The following ANKS1A variants were observed in gnomAD, a reference collection of about 807,000 sequenced individuals.
ANKS1A encodes the protein ankyrin repeat and SAM domain-containing protein 1A.
Under a neutral mutation model 120.3 loss-of-function variants are expected in ANKS1A, and 55 were observed. The observed-to-expected ratio is 0.46, with a 90% confidence interval of 0.37 to 0.57. The LOEUF (loss-of-function observed/expected upper bound fraction) is 0.57. Among genes scored for constraint, ANKS1A ranks in the 20% least tolerant of loss-of-function variants. ANKS1A has a pLI of 0.00. For missense variants in ANKS1A, 1,123 were observed against 1,480.3 expected (o/e 0.76, Z 3.96); for synonymous variants, 590 against 604.7 (o/e 0.98, Z 0.36).
chr6:35,008,240 G>T (rs1369025278), intron 10 of ANKS1A, among the ~76,000 whole-genome samples: 2 of 151,946 alleles, frequency 1.3e-5, no homozygotes, highest in Admixed American at 1.3e-4. Flanking sequence ...AAATAGACGG[G>T]GTCTCGCTCC....
At chr6:34,988,310 A>T (rs369204055) in intron 8 of ANKS1A, among the ~76,000 whole-genome samples, 2 of 152,342 alleles carry the variant, frequency 1.3e-5, no homozygotes, top group East Asian at 1.9e-4. Context: ...AAATGGGTTT[A>T]GATGGGCTGG....
At chr6:35,029,465 C>T (rs559255387) in intron 11 of ANKS1A, among the ~76,000 whole-genome samples, 59 of 151,068 alleles carry the variant, frequency 3.9e-4, no homozygotes, top group African/African-American at 1.4e-3. Flanking sequence ...TCTCCTGCCT[C>T]AGCCTCCTGA....
At chr6:35,066,712 G>T (rs764303548) in intron 13 of ANKS1A, among the ~76,000 whole-genome samples, 2 of 152,184 alleles carry the variant, frequency 1.3e-5, no homozygotes, top group Non-Finnish European at 2.9e-5. Context: ...ACTCTTCCTG[G>T]TGGCTGTCAC....
chr6:34,963,184 G>A (rs914376459), intron 1 of ANKS1A, among the ~76,000 whole-genome samples: 8 of 152,060 alleles, frequency 5.3e-5, no homozygotes, highest in Non-Finnish European at 8.8e-5. Context: ...ATTATAATAC[G>A]TTGTTATTAA....
intron 10 of ANKS1A, among the ~76,000 whole-genome samples, chr6:35,009,415 T>C (rs1377535519): frequency 6.6e-6 from 1 of 152,016 alleles, no homozygotes; most frequent in East Asian, 1.9e-4. Flanking sequence ...AAATAGAGAA[T>C]TGAGGGAGGG....
chr6:34,995,277 G>T (rs961620809), intron 10 of ANKS1A, among the ~76,000 whole-genome samples: 2 of 152,200 alleles, frequency 1.3e-5, no homozygotes, highest in African/African-American at 2.4e-5. Context: ...GAGAATGTGT[G>T]CATATGCGTA....
At chr6:34,902,611 G>A (rs1366279065) in intron 1 of ANKS1A, among the ~76,000 whole-genome samples, 2 of 151,968 alleles carry the variant, frequency 1.3e-5, no homozygotes, top group Non-Finnish European at 2.9e-5. Flanking sequence ...TACTAGATAT[G>A]TTTTGTCGAC....
chr6:34,917,568 A>G (rs185807356), intron 1 of ANKS1A, among the ~76,000 whole-genome samples: 17 of 152,212 alleles, frequency 1.1e-4, no homozygotes, highest in African/African-American at 3.9e-4. Context: ...GCACTCTGTT[A>G]AACTAACCTG....
intron 11 of ANKS1A, among the ~76,000 whole-genome samples, chr6:35,030,628 T>C (rs558874870): frequency 2.0e-5 from 3 of 152,328 alleles, no homozygotes; most frequent in Non-Finnish European, 4.4e-5. Context: ...AGTAACCCCC[T>C]CTACCATCCA....
At chr6:35,028,619 T>C (rs1018106059) in intron 11 of ANKS1A, among the ~76,000 whole-genome samples, 1 of 152,226 alleles carries the variant, frequency 6.6e-6, no homozygotes, top group African/African-American at 2.4e-5. Flanking sequence ...TCCAGAAATA[T>C]TCTCTGCATG....
At chr6:35,074,999 A>G (rs752359063) in intron 13 of ANKS1A, among the ~76,000 whole-genome samples, 1 of 152,238 alleles carries the variant, frequency 6.6e-6, no homozygotes, top group South Asian at 2.1e-4. Context: ...CAACAGAGTA[A>G]AAGTCCAGAA....
chr6:35,095,141 CAAAA>C (rs34813964), downstream of ANKS1A, among the ~76,000 whole-genome samples: 3 of 81,230 alleles, frequency 3.7e-5, no homozygotes, highest in African/African-American at 4.7e-5. Context: ...ACCCCCATCT[CAAAA>C]AAAAAAAAAA....
intron 12 of ANKS1A, among the ~76,000 whole-genome samples, chr6:35,059,811 G>A (rs142558288): frequency 4.2e-4 from 64 of 152,264 alleles, no homozygotes; most frequent in African/African-American, 1.5e-3. Context: ...GAGTTGACCT[G>A]GAGACTGTTG....
At chr6:34,917,591 G>A (rs1943811448) in intron 1 of ANKS1A, among the ~76,000 whole-genome samples, 1 of 152,232 alleles carries the variant, frequency 6.6e-6, no homozygotes, top group Admixed American at 6.5e-5. Flanking sequence ...ATCTGATGAT[G>A]TGCTGTGGGA....
intron 10 of ANKS1A, among the ~76,000 whole-genome samples, chr6:35,002,729 C>G (rs1053221105): frequency 1.3e-5 from 2 of 152,004 alleles, no homozygotes; most frequent in South Asian, 4.2e-4. Flanking sequence ...CCTAAAGAAT[C>G]ACCCTGATCA....
rs1368087393 is a variant in ANKS1A, at chr6:35,091,046, TG to T, written c.*2440del. 1.0e-6 allele frequency: 1 copy of T among 985,796 alleles called. No homozygotes were observed. Among genetic ancestry groups the T allele is most frequent in the Non-Finnish European group, 1.2e-6 (1 of 829,974 alleles). The allele number at this position is 985,796 out of a possible 1,614,324, so 61.1% of individuals were successfully genotyped here. On this transcript the variant is annotated 3_prime_UTR_variant, in exon 24 of 24. Coordinates refer to ENST00000360359, the MANE Select transcript of ANKS1A (RefSeq NM_015245.3). ...GAGACATTAGAAAACCAGTCTGAAT[TG>T]GGTCTGTCTTTGAGATGCCCAGGCC... is the stretch of plus-strand genomic sequence containing the variant.
intron 1 of ANKS1A, among the ~76,000 whole-genome samples, chr6:34,908,209 C>G (rs1255116515): frequency 6.6e-6 from 1 of 152,130 alleles, no homozygotes; most frequent in African/African-American, 2.4e-5. Flanking sequence ...AGACCCCTCT[C>G]CTAGACTACT....
At chr6:35,007,460 A>G (rs999598964) in intron 10 of ANKS1A, among the ~76,000 whole-genome samples, 1 of 152,272 alleles carries the variant, frequency 6.6e-6, no homozygotes, top group African/African-American at 2.4e-5. Context: ...CAGGGCAAGC[A>G]TAACCAAGAG....
chr6:35,074,129 T>A (rs1326233109), intron 13 of ANKS1A, among the ~76,000 whole-genome samples: 3 of 152,402 alleles, frequency 2.0e-5, no homozygotes, highest in African/African-American at 7.2e-5. Context: ...TTCCTCGCTG[T>A]CAGCCTTCAG....
Sources: allele counts gnomAD v4.1 joint callset (sites outside exome capture counted in the v4.1 genomes callset), GRCh38; gene constraint gnomAD v4.1.1; transcripts MANE v1.5; gene names NCBI Gene and HGNC (gene_info 2026-07-23, HGNC 2026-07-21).